Variants in PIK3R6 observed in about 807,000 individuals in gnomAD.
The protein encoded by PIK3R6 is phosphoinositide 3-kinase regulatory subunit 6.
A neutral mutation model predicts 84.9 loss-of-function variants in PIK3R6; 91 were observed. That is an observed-to-expected ratio of 1.07 (90% CI 0.90 to 1.28). PIK3R6 has a LOEUF of 1.28. Ranked by LOEUF, PIK3R6 falls within the 50% of genes most tolerant of loss-of-function variation. The probability of loss-of-function intolerance (pLI) is 0.00; values close to 1 mark genes in which losing one functional copy is unlikely to be tolerated. For synonymous variants in PIK3R6, 416 were observed against 411.4 expected, an observed-to-expected ratio of 1.01 and a Z score of -0.13; for missense variants, 996 against 985.1, an observed-to-expected ratio of 1.01 and a Z score of -0.15.
chr17:8,839,654 C>G lies in PIK3R6; in HGVS notation c.57G>C (p.Arg19=). The G allele has an allele frequency of 6.3e-7, 1 of 1,580,770 alleles. No homozygotes were observed. Among genetic ancestry groups the G allele is most frequent in the Non-Finnish European group, 8.6e-7 (1 of 1,163,128 alleles). Residue 19 remains arginine, a synonymous_variant, in exon 3 of 20, where the codon CGG becomes CGC. Transcript: ENST00000619866. This position sits in a 1 kb window ranked among gnomAD's most constrained non-coding sequence, Gnocchi z 4.2. The stretch of plus-strand genomic sequence containing the variant: ...GGGCAGGGGCCTGGGTGCTGAGCTC[C>G]CGGAGCACAGCCTGCACGCTCCTCT... The part of the protein sequence containing the change: ...DLQRSVQAVL[R]ELSTQAPALQ...
intron 18 of PIK3R6, among the ~76,000 whole-genome samples, chr17:8,808,825 G>A (rs1165369977): frequency 6.6e-6 from 1 of 152,174 alleles, no homozygotes; most frequent in Non-Finnish European, 1.5e-5. Flanking sequence ...AGGGAATGAG[G>A]CCAACAAGTA....
At position 8,833,829 on chromosome 17, in the gene PIK3R6, C is replaced by T. The variant is rs533656205; in HGVS notation, c.646-784G>A. Among the ~76,000 whole-genome samples the T allele has an allele frequency of 8.9e-4, 135 of 151,888 alleles. 1 individual carries two copies. The South Asian group carries it at 0.016, about 18-fold the overall frequency. ...TGTTGGGATTACAGGCGTGAACCAC[C>T]GCGCTTGGCCGAAAGTGACTTTTAG... On this transcript the variant is annotated intron_variant, in intron 8 of 19. Coordinates refer to ENST00000619866, the MANE Select transcript of PIK3R6 (RefSeq NM_001010855.4).
intron 18 of PIK3R6, among the ~76,000 whole-genome samples, chr17:8,815,969 GT>G (rs1456703573): frequency 6.6e-6 from 1 of 152,176 alleles, no homozygotes; most frequent in African/African-American, 2.4e-5. Flanking sequence ...ATGGTCCTGA[GT>G]TGATAACATC....
chr17:8,823,608 C>A, intron 13 of PIK3R6, 111 bp from the exon 14 acceptor site: 1 of 699,892 alleles, frequency 1.4e-6, no homozygotes, highest in Non-Finnish European at 2.5e-6. Context: ...ATGCACTAAC[C>A]CAGTGCGTCC....
chr17:8,819,848 GTATATATAGACACACATATATATGTA>G (rs1319505171), intron 17 of PIK3R6, among the ~76,000 whole-genome samples: 1 of 141,950 alleles, frequency 7.0e-6, no homozygotes, highest in African/African-American at 2.6e-5. Context: ...ACATATATAT[GTATATATAGACACACATATATATGTA>G]TATATACACA....
chr17:8,841,049 G>A (rs997249860), intron 2 of PIK3R6, among the ~76,000 whole-genome samples: 20 of 152,136 alleles, frequency 1.3e-4, no homozygotes, highest in African/African-American at 4.6e-4. Context: ...ACCACGCCAA[G>A]CCTTTGCCAT....
intron 17 of PIK3R6, among the ~76,000 whole-genome samples, chr17:8,820,753 C>T (rs2087707803): frequency 6.6e-6 from 1 of 152,118 alleles, no homozygotes; most frequent in African/African-American, 2.4e-5. Flanking sequence ...GCTATGATGC[C>T]CACTTATGAA....
rs8081591 is a variant in PIK3R6 at position 8,811,916 on chromosome 17, A to G, written c.1995+7167T>C. ...TCAGGTATCTTTTCAGCAGCACCCC[A>G]TTCTACTGGTACCAATTTACTCAAT... On this transcript the variant is annotated intron_variant, in intron 18 of 19. Transcript: ENST00000619866. Among the ~76,000 whole-genome samples, 2 of 147,478 alleles carry G rather than the reference A, an allele frequency of 1.4e-5. 1 individual carries two copies. Among genetic ancestry groups the G allele is most frequent in the Admixed American group, 1.4e-4 (2 of 14,426 alleles).
In PIK3R6 at chr17:8,842,311, T is replaced by A. The variant is rs565791614; in HGVS notation, c.14-2614A>T. ...CACGCCTCCCAGCCAAAATACACGG[T>A]ATGGTAGTGGTTCTAAAGCAGGACC... On this transcript the variant is annotated intron_variant, in intron 2 of 19. Coordinates refer to ENST00000619866, the MANE Select transcript of PIK3R6 (RefSeq NM_001010855.4). This position sits in a 1 kb window ranked among gnomAD's most constrained non-coding sequence, Gnocchi z 4.5. Among the ~76,000 whole-genome samples, 1 of 152,206 alleles carries A rather than the reference T, an allele frequency of 6.6e-6. No homozygotes were observed. Among genetic ancestry groups the A allele is most frequent in the South Asian group, 2.1e-4 (1 of 4,824 alleles).
intron 18 of PIK3R6, among the ~76,000 whole-genome samples, chr17:8,814,213 A>ATTTTTTTTTTTTT (rs528042541): frequency 1.3e-5 from 1 of 76,404 alleles, no homozygotes; most frequent in African/African-American, 6.4e-5. Flanking sequence ...TCAGAGAGAG[A>ATTTTTTTTTTTTT]TCTTTTTTTT....
At chr17:8,818,581 G>A (rs897506300) in intron 18 of PIK3R6, among the ~76,000 whole-genome samples, 1 of 152,116 alleles carries the variant, frequency 6.6e-6, no homozygotes. Context: ...CCTGAGAGGC[G>A]GGGGTTGCAG....
At position 8,849,815 on chromosome 17, in the gene PIK3R6, G is replaced by A. The variant is rs2151296110; in HGVS notation, c.-21C>T. 6.2e-7 allele frequency: 1 copy of A among 1,611,158 alleles called. No homozygotes were observed. Among genetic ancestry groups the A allele is most frequent in the Non-Finnish European group, 8.5e-7 (1 of 1,178,550 alleles). On this transcript the variant is annotated 5_prime_UTR_variant, in exon 2 of 20. Transcript: ENST00000619866. ...TCCATGGGAGCCTTTGGGTGTAGGA[G>A]GAGGAGGATGTGGTTGTCTCGGGCA...
chr17:8,843,775 T>C (rs1390288081), intron 2 of PIK3R6, among the ~76,000 whole-genome samples: 1 of 152,064 alleles, frequency 6.6e-6, no homozygotes, highest in Non-Finnish European at 1.5e-5. Flanking sequence ...GTGACAATCA[T>C]AGGGGGTGGG....
At chr17:8,855,316 GAA>G (rs1046287500) in intron 1 of PIK3R6, among the ~76,000 whole-genome samples, 4 of 145,046 alleles carry the variant, frequency 2.8e-5, no homozygotes, top group African/African-American at 1.0e-4. Flanking sequence ...ATCTGACAAA[GAA>G]AAAAAAAAGA....
In PIK3R6 at chr17:8,837,761, T is replaced by C; in HGVS notation, c.258+42A>G. 2.6e-6 allele frequency: 4 copies of C among 1,538,176 alleles called. No individual in the cohort carries two copies. The South Asian group carries it at 4.5e-5, about 17-fold the overall frequency. ...GGGGAGAGTGTCCAGCCCAGCCACA[T>C]GCAGGTCACCACTACCACCTCGACC... On this transcript the variant is annotated intron_variant, in intron 5 of 19. Coordinates refer to ENST00000619866, the MANE Select transcript of PIK3R6 (RefSeq NM_001010855.4).
Position 8,835,439 on chromosome 17 carries a change from T to A in PIK3R6, c.479A>T (p.Asp160Val). ...PYQERVFLFV[D>V]PELVSASVCS... ...CACAGACGCAGACACCAGCTCAGGA[T>A]CCACGAAGAGGAACACTCTGAGGGC... The change falls in exon 8 of 20, where the codon GAT becomes GTT. Residue 160 changes from aspartate to valine, a missense_variant. Coordinates refer to ENST00000619866, the MANE Select transcript of PIK3R6 (RefSeq NM_001010855.4). The A allele has an allele frequency of 6.4e-7, 1 of 1,571,528 alleles. No individual in the cohort carries two copies. Among genetic ancestry groups the A allele is most frequent in the East Asian group, 2.3e-5 (1 of 44,042 alleles).
intron 1 of PIK3R6, among the ~76,000 whole-genome samples, chr17:8,853,500 T>A (rs4410122): frequency 0.33 from 43,023 of 128,534 alleles, 7,982 homozygotes; most frequent in Admixed American, 0.4. Context: ...AAAAAAAAAA[T>A]AATAATAATA....
chr17:8,814,720 G>C (rs1307738732), intron 18 of PIK3R6, among the ~76,000 whole-genome samples: 1 of 152,086 alleles, frequency 6.6e-6, no homozygotes, highest in Non-Finnish European at 1.5e-5. Context: ...GTTCCAGAAA[G>C]AGAAAGCAAA....
Position 8,839,550 on chromosome 17 carries a change from G to GTA in PIK3R6, c.97+62_97+63dup, listed in dbSNP as rs1007275316. On this transcript the variant is annotated intron_variant, in intron 3 of 19. Coordinates refer to ENST00000619866, the MANE Select transcript of PIK3R6 (RefSeq NM_001010855.4). The surrounding 1 kb of genome is among the most constrained non-coding windows in gnomAD (Gnocchi z 4.2). ...CCGGGGCTCTTTCCTGTATGCGCGT[G>GTA]TATTGTTGGCTGGGGTTGGGTGGAG... is the stretch of plus-strand genomic sequence containing the variant. 10 of 1,355,192 alleles carry GTA rather than the reference G, an allele frequency of 7.4e-6. No individual in the cohort carries two copies. The African/African-American group carries it at 1.0e-4, about 14-fold the overall frequency. 83.9% of individuals were successfully genotyped at this position (1,355,192 alleles called of 1,614,324 possible).
Sources: gnomAD v4.1 joint callset for allele counts (sites outside exome capture counted in the v4.1 genomes callset) on GRCh38, gnomAD v4.1.1 for gene constraint, Gnocchi (gnomAD v3.1) non-coding constraint, MANE v1.5 for transcripts, NCBI Gene and HGNC (gene_info 2026-07-23, HGNC 2026-07-21) for gene names.